The following CDH23 variants were observed in gnomAD, a reference collection of about 807,000 sequenced individuals.
CDH23 encodes cadherin-23.
Under a neutral mutation model 317.1 loss-of-function variants are expected in CDH23, and 189 were observed. The observed-to-expected ratio is 0.60, with a 90% CI of 0.53 to 0.67. The LOEUF is 0.67. Among genes scored for constraint, CDH23 ranks in the 30% least tolerant of loss-of-function variants. The probability of loss-of-function intolerance (pLI) is 0.00; values close to 1 mark genes in which losing one functional copy is unlikely to be tolerated. For missense variants in CDH23, 4,401 were observed against 4,592.4 expected (o/e 0.96, Z 1.20); for synonymous variants, 1,839 against 1,876.8 (o/e 0.98, Z 0.52).
rs142131750 is a variant in CDH23, at chr10:71,784,932, C to T, written c.5544C>T (p.Asp1848=). The change falls in exon 43 of 70, where the codon GAC becomes GAT. Residue 1848 remains aspartate (D), a synonymous_variant. Coordinates refer to ENST00000224721, the MANE Select transcript of CDH23 (RefSeq NM_022124.6). ...GGGTGCTGGACATCAACGACAACGACCCTGTGCTGCTGAACCTGCCCATGA... is the reference window on the plus strand; with the variant it reads ...GGGTGCTGGACATCAACGACAACGATCCTGTGCTGCTGAACCTGCCCATGA... ...GIRVLDINDN[D]PVLLNLPMNI... is the part of the protein sequence containing the mutation. 5,168 of 1,614,084 alleles carry T rather than the reference C, an allele frequency of 3.2e-3. 24 individuals are homozygous for T. Among genetic ancestry groups the T allele is most frequent in the African/African-American group, 6.0e-3 (451 of 75,074 alleles).
chr10:71,691,166 T>C (rs556755330), intron 20 of CDH23, among the ~76,000 whole-genome samples: 1 of 152,356 alleles, frequency 6.6e-6, no homozygotes, highest in Admixed American at 6.5e-5. Context: ...GTAACTCTCT[T>C]CTTTCTTCTT....
chr10:71,760,153 A>ATATATGTG (rs1313476541), intron 38 of CDH23, among the ~76,000 whole-genome samples: 5 of 34,744 alleles, frequency 1.4e-4, no homozygotes, highest in African/African-American at 3.2e-4. Flanking sequence ...ATATGTGTGT[A>ATATATGTG]TATATATGTA....
chr10:71,501,900 G>A (rs545013333), intron 3 of CDH23, among the ~76,000 whole-genome samples: 27 of 152,284 alleles, frequency 1.8e-4, no homozygotes, highest in Admixed American at 8.5e-4. Context: ...GATGGCCATG[G>A]TGGGACAGTT....
At chr10:71,541,773 T>G (rs1019133580) in intron 6 of CDH23, among the ~76,000 whole-genome samples, 3 of 152,214 alleles carry the variant, frequency 2.0e-5, no homozygotes, top group African/African-American at 7.2e-5. Flanking sequence ...CACTCACCTT[T>G]CTTGTGATAC....
chr10:71,643,827 C>T (rs1862692455), intron 11 of CDH23, 34 bp from the exon 12 acceptor site: 1 of 765,954 alleles, frequency 1.3e-6, no homozygotes, highest in African/African-American at 1.7e-5. Context: ...CTGTCTGTCT[C>T]CATATCCTTT....
At chr10:71,513,839 C>T (rs530397302) in intron 6 of CDH23, among the ~76,000 whole-genome samples, 2 of 152,226 alleles carry the variant, frequency 1.3e-5, no homozygotes, top group African/African-American at 4.8e-5. Context: ...CCTTCAGCAC[C>T]TTATCGTTCT....
In CDH23 at chr10:71,709,273, C is replaced by T. The variant is rs1865892720; in HGVS notation, c.3220+62C>T. The T allele has an allele frequency of 3.4e-6, 5 of 1,469,662 alleles. No homozygotes were observed. The South Asian group carries it at 5.8e-5, about 17-fold the overall frequency. 91.0% of individuals were successfully genotyped at this position (1,469,662 alleles called of 1,614,324 possible). A position where few individuals can be genotyped will look rare whatever the true frequency, so the allele number is the denominator to read the frequency against. Reference sequence around the variant, plus strand: ...TGGGCAGAGTTCACACAGGGTGCCTCCCAGGAGCTGGCCTTTTGCTAAAGG... The same window carrying T: ...TGGGCAGAGTTCACACAGGGTGCCTTCCAGGAGCTGGCCTTTTGCTAAAGG... On this transcript the variant is annotated intron_variant, in intron 27 of 69. Transcript: ENST00000224721.
At chr10:71,600,641 T>C (rs912298509) in intron 9 of CDH23, among the ~76,000 whole-genome samples, 2 of 151,384 alleles carry the variant, frequency 1.3e-5, no homozygotes, top group Non-Finnish European at 2.9e-5. Context: ...CTCAGCCTCC[T>C]GAGTAGCTGG....
intron 38 of CDH23, chr10:71,755,223 A>G: frequency 1.2e-6 from 1 of 815,720 alleles, no homozygotes. Context: ...CCTGGCGGGA[A>G]GTGCAGCTGC....
intron 9 of CDH23, among the ~76,000 whole-genome samples, chr10:71,598,827 G>C (rs957259006): frequency 2.0e-5 from 3 of 152,258 alleles, no homozygotes; most frequent in Non-Finnish European, 4.4e-5. Flanking sequence ...GGATGGGAGC[G>C]TCTTGGGACA....
At chr10:71,725,660 G>A in intron 30 of CDH23, 140 bp downstream of exon 30, 2 of 1,038,958 alleles carry the variant, frequency 1.9e-6, no homozygotes, top group South Asian at 1.7e-5. Context: ...GGGCCTAAGG[G>A]TTCGGTGACA....
chr10:71,599,666 T>C (rs1043482410), intron 9 of CDH23, among the ~76,000 whole-genome samples: 1 of 152,220 alleles, frequency 6.6e-6, no homozygotes, highest in African/African-American at 2.4e-5. Context: ...AAAACTTTTA[T>C]GTGTGGTCCC....
At chr10:71,566,415 C>A (rs1426325485) in intron 6 of CDH23, among the ~76,000 whole-genome samples, 1 of 152,102 alleles carries the variant, frequency 6.6e-6, no homozygotes, top group Non-Finnish European at 1.5e-5. Flanking sequence ...GCAGCTTGGG[C>A]AGCCAAGGAG....
At chr10:71,713,597 C>T in intron 28 of CDH23, 2 of 381,494 alleles carry the variant, frequency 5.2e-6, no homozygotes, top group South Asian at 5.7e-5. Flanking sequence ...ACACAGAGAG[C>T]CCAGAAAGCC....
At chr10:71,683,470 C>T (rs978276615) in intron 18 of CDH23, among the ~76,000 whole-genome samples, 2 of 152,222 alleles carry the variant, frequency 1.3e-5, no homozygotes, top group Non-Finnish European at 2.9e-5. Context: ...CCTTAACAAG[C>T]TCTGTCTTCT....
intron 38 of CDH23, among the ~76,000 whole-genome samples, chr10:71,765,781 G>GA (rs1176225453): frequency 6.6e-6 from 1 of 152,018 alleles, no homozygotes; most frequent in African/African-American, 2.4e-5. Context: ...TCCCCTTTTA[G>GA]AAAAAAGCTG....
intron 6 of CDH23, 132 bp from the exon 7 acceptor site, chr10:71,566,610 A>C: frequency 1.3e-6 from 1 of 751,146 alleles, no homozygotes; most frequent in Non-Finnish European, 1.9e-6. Flanking sequence ...GGCCCCTCCT[A>C]GAATGAAAAT....
intron 6 of CDH23, among the ~76,000 whole-genome samples, chr10:71,532,700 CTTTTGTTTTTGTTTTTTTTTTT>C (rs1564636214): frequency 7.6e-5 from 10 of 131,574 alleles, no homozygotes; most frequent in Non-Finnish European, 1.2e-4. Context: ...GGCAAGTTTT[CTTTTGTTTTTGTTTTTTTTTTT>C]TTTTGTTTTT....
At chr10:71,618,965 T>A (rs554076414) in intron 11 of CDH23, among the ~76,000 whole-genome samples, 1 of 152,356 alleles carries the variant, frequency 6.6e-6, no homozygotes, top group African/African-American at 2.4e-5. Flanking sequence ...ATATTTAGCC[T>A]CTTGGGGAGC....
Sources: gnomAD v4.1 joint callset for allele counts (sites outside exome capture counted in the v4.1 genomes callset) on GRCh38, gnomAD v4.1.1 for gene constraint, MANE v1.5 for transcripts, NCBI Gene and HGNC (gene_info 2026-07-23, HGNC 2026-07-21) for gene names.